FRMD6: variants seen among roughly 807,000 people sequenced by gnomAD.
FRMD6 encodes FERM domain-containing protein 6.
Under a neutral mutation model 73.2 loss-of-function variants are expected in FRMD6, and 37 were observed. That is an observed-to-expected ratio of 0.51 (90% CI 0.39 to 0.66). The LOEUF is 0.66. FRMD6 is among the 30% of genes least tolerant of loss of function. The probability of loss-of-function intolerance (pLI) is 0.00; values close to 1 mark genes in which losing one functional copy is unlikely to be tolerated. For missense variants in FRMD6, 714 were observed against 780.5 expected (o/e 0.91, Z 1.02); for synonymous variants, 273 against 282.2 (o/e 0.97, Z 0.33).
chr14:51,624,122 G>A (rs1357966779), intron 2 of FRMD6, among the ~76,000 whole-genome samples: 1 of 152,042 alleles, frequency 6.6e-6, no homozygotes, highest in Non-Finnish European at 1.5e-5. Context: ...ACACACACGG[G>A]GAACAACACA....
chr14:51,652,642 G>T (rs1042978750), intron 1 of FRMD6, among the ~76,000 whole-genome samples: 2 of 152,276 alleles, frequency 1.3e-5, no homozygotes, highest in South Asian at 2.1e-4. Context: ...AGCTGGGGCA[G>T]ATCGGCGCCA....
chr14:51,696,854 C>T (rs140235274), intron 2 of FRMD6, among the ~76,000 whole-genome samples: 86 of 152,102 alleles, frequency 5.7e-4, no homozygotes, highest in African/African-American at 1.9e-3. Flanking sequence ...AAGAGGAAAG[C>T]TTTCCTTGAA....
At chr14:51,413,929 A>C in the FRMD6 span, among the ~76,000 whole-genome samples, 47 of 152,130 alleles carry the variant, frequency 3.1e-4, no homozygotes, top group South Asian at 3.5e-3. Context: ...GCATTTTTTC[A>C]TGTGTTTTTT....
intron 1 of FRMD6, among the ~76,000 whole-genome samples, chr14:51,562,195 A>G (rs533527391): frequency 5.9e-4 from 90 of 152,364 alleles, no homozygotes; most frequent in Non-Finnish European, 1.0e-3. Context: ...CTGCATCTGC[A>G]GGCTCTATGA....
intron 2 of FRMD6, among the ~76,000 whole-genome samples, chr14:51,620,692 G>A (rs1298284829): frequency 6.6e-6 from 1 of 152,142 alleles, no homozygotes; most frequent in Admixed American, 6.5e-5. Flanking sequence ...TCTTTGGCTT[G>A]TTGAGCAGTG....
At chr14:51,704,587 AT>A in intron 5 of FRMD6, 161 bp from the exon 6 acceptor site, 1 of 582,634 alleles carries the variant, frequency 1.7e-6, no homozygotes, top group Non-Finnish European at 3.0e-6. Context: ...TGAGGCAGCT[AT>A]CAGATATTAG....
chr14:51,458,412 T>G, the FRMD6 span, among the ~76,000 whole-genome samples: 2 of 152,208 alleles, frequency 1.3e-5, no homozygotes, highest in African/African-American at 2.4e-5. Flanking sequence ...ATGTGTCTTA[T>G]CTTCAAGCTG....
At chr14:51,619,648 G>A (rs1040020132) in intron 2 of FRMD6, among the ~76,000 whole-genome samples, 1 of 152,150 alleles carries the variant, frequency 6.6e-6, no homozygotes, top group Non-Finnish European at 1.5e-5. Context: ...TTTGCTAGTG[G>A]ACAGTGTATT....
At chr14:51,487,767 C>CAA (rs1166370028), upstream of FRMD6, among the ~76,000 whole-genome samples, 1 of 152,216 alleles carries the variant, frequency 6.6e-6, no homozygotes, top group Non-Finnish European at 1.5e-5. Context: ...CCTTGAAACA[C>CAA]ATTTCCAAGA....
chr14:51,560,663 T>C (rs967680802), intron 1 of FRMD6, among the ~76,000 whole-genome samples: 1 of 152,224 alleles, frequency 6.6e-6, no homozygotes, highest in African/African-American at 2.4e-5. Flanking sequence ...TTTTGTATTT[T>C]AGTAGAGACA....
At chr14:51,579,771 C>T (rs1888608722) in intron 2 of FRMD6, among the ~76,000 whole-genome samples, 1 of 152,148 alleles carries the variant, frequency 6.6e-6, no homozygotes, top group Non-Finnish European at 1.5e-5. Context: ...AGACCCCTCT[C>T]CCTTTGCAAC....
chr14:51,453,884 A>C, the FRMD6 span, among the ~76,000 whole-genome samples: 1 of 152,336 alleles, frequency 6.6e-6, no homozygotes, highest in East Asian at 1.9e-4. Context: ...ATTTTTTTCC[A>C]ATTAAAATTG....
chr14:51,420,068 T>G, the FRMD6 span, among the ~76,000 whole-genome samples: 1 of 152,148 alleles, frequency 6.6e-6, no homozygotes, highest in Non-Finnish European at 1.5e-5. Flanking sequence ...TAAAATATCG[T>G]GAAAGTGAAG....
At chr14:51,621,901 C>A (rs1387565147) in intron 2 of FRMD6, among the ~76,000 whole-genome samples, 1 of 152,186 alleles carries the variant, frequency 6.6e-6, no homozygotes, top group African/African-American at 2.4e-5. Flanking sequence ...AGGGGACCAG[C>A]ATAAATAGGT....
At chr14:51,494,861 T>A (rs1883205522) in intron 1 of FRMD6, among the ~76,000 whole-genome samples, 1 of 152,164 alleles carries the variant, frequency 6.6e-6, no homozygotes, top group Non-Finnish European at 1.5e-5. Context: ...GATAGTTGAC[T>A]AATTTCCTTG....
intron 2 of FRMD6, among the ~76,000 whole-genome samples, chr14:51,627,631 G>A (rs547981604): frequency 6.6e-6 from 1 of 152,264 alleles, no homozygotes; most frequent in East Asian, 1.9e-4. Context: ...ATCAAACAAA[G>A]CAAGCACACT....
At chr14:51,718,100 A>G (rs1020514026) in intron 10 of FRMD6, among the ~76,000 whole-genome samples, 1 of 152,182 alleles carries the variant, frequency 6.6e-6, no homozygotes, top group African/African-American at 2.4e-5. Flanking sequence ...GAGAGGTTGC[A>G]TTTTACATTT....
At chr14:51,479,824 G>A in the FRMD6 span, among the ~76,000 whole-genome samples, 1 of 152,152 alleles carries the variant, frequency 6.6e-6, no homozygotes, top group Non-Finnish European at 1.5e-5. Flanking sequence ...GGTCATCCAA[G>A]GTGAGAAAAA....
At chr14:51,449,522 A>C in the FRMD6 span, among the ~76,000 whole-genome samples, 300 of 152,320 alleles carry the variant, frequency 2.0e-3, no homozygotes, top group Admixed American at 5.6e-3. Flanking sequence ...CCACTGTTCC[A>C]GAGAAGGCCA....
Sources: gnomAD v4.1 joint callset for allele counts (sites outside exome capture counted in the v4.1 genomes callset) on GRCh38, gnomAD v4.1.1 for gene constraint, MANE v1.5 for transcripts, NCBI Gene and HGNC (gene_info 2026-07-23, HGNC 2026-07-21) for gene names.